Variants in TCF20 observed in about 807,000 individuals in gnomAD.
TCF20 encodes transcription factor 20.
Under a neutral mutation model 148.6 loss-of-function variants are expected in TCF20, and 3 were observed. The observed-to-expected ratio is 0.02, with a 90% CI of 0.01 to 0.05. The LOEUF is 0.05. Among genes scored for constraint, TCF20 ranks in the 10% least tolerant of loss-of-function variants. The probability of loss-of-function intolerance (pLI) is 1.00; values close to 1 mark genes in which losing one functional copy is unlikely to be tolerated. For missense variants in TCF20, 2,350 were observed against 2,429.3 expected (o/e 0.97, Z 0.69); for synonymous variants, 1,049 against 909.5 (o/e 1.15, Z -2.76).
At chr22:42,169,166 G>GCC (rs1257052278) in intron 4 of TCF20, among the ~76,000 whole-genome samples, 5 of 151,306 alleles carry the variant, frequency 3.3e-5, no homozygotes, top group African/African-American at 1.2e-4. Flanking sequence ...ACACAGTGCA[G>GCC]CCCCTGCAGG....
chr22:42,202,856 T>C (rs1437854060), intron 2 of TCF20, among the ~76,000 whole-genome samples: 1 of 152,202 alleles, frequency 6.6e-6, no homozygotes, highest in Non-Finnish European at 1.5e-5. Context: ...GACATAGAGC[T>C]TCTCTAACCA....
intron 1 of TCF20, among the ~76,000 whole-genome samples, chr22:42,262,017 G>C (rs1926055027): frequency 6.6e-6 from 1 of 152,078 alleles, no homozygotes; most frequent in Non-Finnish European, 1.5e-5. Context: ...GTGGGAAAGA[G>C]CTTGCTACCT....
At chr22:42,330,513 G>C (rs532183561) in intron 1 of TCF20, among the ~76,000 whole-genome samples, 2 of 152,290 alleles carry the variant, frequency 1.3e-5, no homozygotes, top group South Asian at 4.1e-4. Flanking sequence ...CTATCCCCTA[G>C]ATGAGGTCAC....
intron 1 of TCF20, among the ~76,000 whole-genome samples, chr22:42,232,647 G>A (rs1283212759): frequency 2.0e-5 from 3 of 151,928 alleles, no homozygotes; most frequent in Non-Finnish European, 4.4e-5. Context: ...CTAACACGGT[G>A]AAACCCCATC....
intron 2 of TCF20, among the ~76,000 whole-genome samples, chr22:42,197,945 T>G (rs1251838960): frequency 6.6e-6 from 1 of 152,220 alleles, no homozygotes; most frequent in Non-Finnish European, 1.5e-5. Context: ...GACCCTTTGT[T>G]GATTAAACCA....
Position 42,214,949 on chromosome 22 carries a change from T to A in TCF20, c.357A>T (p.Gly119=). 8 of 1,613,846 alleles carry A rather than the reference T, an allele frequency of 5.0e-6. No individual in the cohort carries two copies. Among genetic ancestry groups the A allele is most frequent in the Admixed American group, 1.7e-5 (1 of 59,972 alleles). ...RRPSGPVQSY[G]PPQGSSFGNQ... ...TGCCAAAGCTGCTCCCCTGGGGGGG[T>A]CCATAGCTCTGCACAGGCCCAGAAG... is the stretch of plus-strand genomic sequence containing the variant. Residue 119 remains glycine, a synonymous_variant, in exon 2 of 6, where the codon GGA becomes GGT. Transcript: ENST00000677622.
chr22:42,319,496 G>C (rs1370609096), intron 1 of TCF20, among the ~76,000 whole-genome samples: 1 of 152,200 alleles, frequency 6.6e-6, no homozygotes, highest in Non-Finnish European at 1.5e-5. Flanking sequence ...CTGGCCAGCA[G>C]GGCTCTGGGC....
At chr22:42,200,394 C>T (rs753057662) in intron 2 of TCF20, among the ~76,000 whole-genome samples, 1 of 152,046 alleles carries the variant, frequency 6.6e-6, no homozygotes, top group Non-Finnish European at 1.5e-5. Context: ...CGCCTATAAT[C>T]CCAGCACTTT....
rs972671074 is a variant in TCF20, at chr22:42,216,672, TCA to T, written c.-36-1333_-36-1332del. On this transcript the variant is annotated intron_variant, in intron 1 of 5. Coordinates refer to ENST00000677622, the MANE Select transcript of TCF20 (RefSeq NM_001378418.1). ...ATTTGTATTTGCCAGTTTTTTAAAT[TCA>T]CAGTTATTACTGGCCATTACTATGA... 7.2e-4 allele frequency among the ~76,000 whole-genome samples: 110 copies of T among 152,346 alleles called. 2 individuals are homozygous for T. The highest frequency in any genetic ancestry group is 3.4e-3 in the Middle Eastern group (1 of 294).
In TCF20 at chr22:42,338,625, C is replaced by A. The variant is rs754592985; in HGVS notation, c.-37+4854G>T. ...CTAACGCGTTAGTGATTCCTGCCTG[C>A]TCGGGAAAGGCGGAGGCAGACAGCC... On this transcript the variant is annotated intron_variant, in intron 1 of 1. Transcript: ENST00000515426. The surrounding 1 kb of genome is among the most constrained non-coding windows in gnomAD (Gnocchi z 4.0). 6.6e-6 allele frequency among the ~76,000 whole-genome samples: 1 copy of A among 152,212 alleles called. No homozygotes were observed. The highest frequency in any genetic ancestry group is 2.4e-5 in the African/African-American group (1 of 41,452).
chr22:42,232,870 AAAC>A (rs947864327), intron 1 of TCF20, among the ~76,000 whole-genome samples: 2 of 152,170 alleles, frequency 1.3e-5, no homozygotes, highest in African/African-American at 4.8e-5. Flanking sequence ...ATTTAAAAGA[AAAC>A]AATAATTGCA....
At position 42,297,615 on chromosome 22, in the gene TCF20, C is replaced by T. The variant is rs1173938991; in HGVS notation, c.-37+45864G>A. On this transcript the variant is annotated intron_variant, in intron 1 of 1. Coordinates refer to the TCF20 transcript ENST00000515426. The surrounding 1 kb of genome is among the most constrained non-coding windows in gnomAD (Gnocchi z 4.3). ...ATGATCCCTGAGCCTCGAGCTCAGC[C>T]CCCAGGAGCTTCCCCTTCATAACCT... 6.6e-6 allele frequency among the ~76,000 whole-genome samples: 1 copy of T among 152,156 alleles called. No homozygotes were observed. The highest frequency in any genetic ancestry group is 1.5e-5 in the Non-Finnish European group (1 of 68,020).
chr22:42,267,973 T>C (rs531638917), intron 1 of TCF20, among the ~76,000 whole-genome samples: 6 of 152,056 alleles, frequency 3.9e-5, no homozygotes, highest in Admixed American at 1.3e-4. Context: ...TGGCGAAATG[T>C]TGTCTCTACT....
intron 1 of TCF20, among the ~76,000 whole-genome samples, chr22:42,224,039 C>A (rs1249426313): frequency 1.3e-5 from 2 of 152,094 alleles, no homozygotes; most frequent in African/African-American, 2.4e-5. Context: ...GGAAAGAAAC[C>A]CACAAGAATG....
intron 1 of TCF20, among the ~76,000 whole-genome samples, chr22:42,261,466 T>C (rs1191654807): frequency 6.6e-6 from 1 of 152,202 alleles, no homozygotes; most frequent in Admixed American, 6.5e-5. Context: ...TCCAGCTGCC[T>C]GACTCCTACG....
chr22:42,205,095 A>C (rs1938298148), intron 2 of TCF20, among the ~76,000 whole-genome samples: 2 of 152,204 alleles, frequency 1.3e-5, no homozygotes, highest in African/African-American at 2.4e-5. Flanking sequence ...TTAATGTCTC[A>C]AAGGTGATTT....
At chr22:42,163,107 C>A (rs1403630821) in intron 5 of TCF20, among the ~76,000 whole-genome samples, 1 of 152,254 alleles carries the variant, frequency 6.6e-6, no homozygotes, top group Non-Finnish European at 1.5e-5. Flanking sequence ...GGGGACAGGG[C>A]AGGGTTTGCC....
intron 1 of TCF20, among the ~76,000 whole-genome samples, chr22:42,260,543 A>G (rs966776735): frequency 3.3e-5 from 5 of 152,180 alleles, no homozygotes; most frequent in South Asian, 4.1e-4. Flanking sequence ...AGAGATACAT[A>G]TATGTATATG....
chr22:42,336,613 C>T (rs1928072190), intron 1 of TCF20, among the ~76,000 whole-genome samples: 1 of 152,174 alleles, frequency 6.6e-6, no homozygotes, highest in Admixed American at 6.5e-5. Flanking sequence ...AAATCCCAGG[C>T]ATCTCCTGGC....
Sources: allele counts gnomAD v4.1 joint callset (sites outside exome capture counted in the v4.1 genomes callset), GRCh38; gene constraint gnomAD v4.1.1; non-coding constraint Gnocchi (gnomAD v3.1); transcripts MANE v1.5; gene names NCBI Gene and HGNC (gene_info 2026-07-23, HGNC 2026-07-21).